MTUS2: variants seen among roughly 807,000 people sequenced by gnomAD.
The protein encoded by MTUS2 is microtubule associated scaffold protein 2.
MTUS2 carries 40 observed loss-of-function variants against 114.1 expected under a neutral mutation model. The observed-to-expected ratio is 0.35, with a 90% CI of 0.27 to 0.46. The LOEUF (loss-of-function observed/expected upper bound fraction) is 0.46. Ranked by LOEUF, MTUS2 falls within the 20% of genes least tolerant of loss-of-function variation. The pLI, the probability that MTUS2 is intolerant of heterozygous loss-of-function variation, is 1.00. For missense variants in MTUS2, 1,679 were observed against 1,705.4 expected (o/e 0.98, Z 0.27); for synonymous variants, 688 against 672.0 (o/e 1.02, Z -0.37).
chr13:29,175,633 T>C (rs1420183613), intron 5 of MTUS2, among the ~76,000 whole-genome samples: 8 of 152,210 alleles, frequency 5.3e-5, no homozygotes, highest in South Asian at 2.1e-4. Flanking sequence ...GCTGAACATA[T>C]TGATCTCACT....
At chr13:29,104,098 C>G (rs1480414960) in intron 5 of MTUS2, among the ~76,000 whole-genome samples, 10 of 152,154 alleles carry the variant, frequency 6.6e-5, no homozygotes, top group African/African-American at 2.4e-4. Flanking sequence ...CCGCATCCAC[C>G]CTGGGCTCAG....
intron 2 of MTUS2, among the ~76,000 whole-genome samples, chr13:28,983,394 C>T (rs900521600): frequency 6.6e-6 from 1 of 152,144 alleles, no homozygotes; most frequent in Admixed American, 6.5e-5. Flanking sequence ...TGTGGCTCAT[C>T]CAAGTTGAGG....
At chr13:29,069,874 G>T (rs963104563) in intron 4 of MTUS2, among the ~76,000 whole-genome samples, 3 of 152,164 alleles carry the variant, frequency 2.0e-5, no homozygotes, top group African/African-American at 7.2e-5. Context: ...ACCTTTGGTT[G>T]ATATAAAATC....
intron 5 of MTUS2, among the ~76,000 whole-genome samples, chr13:29,183,481 T>A (rs541757616): frequency 6.6e-6 from 1 of 152,128 alleles, no homozygotes; most frequent in African/African-American, 2.4e-5. Context: ...GTAACGAGTC[T>A]GGAGTTCAGA....
At chr13:29,425,043 G>C (rs1876405991) in intron 8 of MTUS2, among the ~76,000 whole-genome samples, 1 of 152,194 alleles carries the variant, frequency 6.6e-6, no homozygotes, top group Non-Finnish European at 1.5e-5. Context: ...TTGTGGTTAG[G>C]TAAGAAAATG....
At chr13:29,402,586 G>A (rs1211701457) in intron 8 of MTUS2, among the ~76,000 whole-genome samples, 1 of 152,288 alleles carries the variant, frequency 6.6e-6, no homozygotes, top group African/African-American at 2.4e-5. Flanking sequence ...AACACCTGTT[G>A]CTGGAGGAGG....
At chr13:29,329,244 C>T (rs1900660086) in intron 7 of MTUS2, among the ~76,000 whole-genome samples, 1 of 152,070 alleles carries the variant, frequency 6.6e-6, no homozygotes, top group Admixed American at 6.6e-5. Context: ...AACCCATTAC[C>T]TGCATTAGGT....
intron 5 of MTUS2, among the ~76,000 whole-genome samples, chr13:29,117,713 C>T (rs1891147594): frequency 6.6e-6 from 1 of 152,158 alleles, no homozygotes. Context: ...TTATTAGAAA[C>T]TCTGTGTGGC....
At chr13:29,082,890 AG>A (rs1889508814) in intron 4 of MTUS2, among the ~76,000 whole-genome samples, 1 of 152,114 alleles carries the variant, frequency 6.6e-6, no homozygotes, top group African/African-American at 2.4e-5. Context: ...GCATGAGAGG[AG>A]GTTACTAAAG....
intron 12 of MTUS2, among the ~76,000 whole-genome samples, chr13:29,495,714 T>C (rs1490147154): frequency 6.6e-6 from 1 of 151,536 alleles, no homozygotes; most frequent in Non-Finnish European, 1.5e-5. Context: ...CTACTAAAAA[T>C]ACAAACATTA....
At chr13:29,013,695 A>G (rs1363924366) in intron 2 of MTUS2, among the ~76,000 whole-genome samples, 1 of 152,170 alleles carries the variant, frequency 6.6e-6, no homozygotes, top group African/African-American at 2.4e-5. Context: ...CAAATCCTGT[A>G]CTCAGACCTT....
At chr13:29,175,553 T>C (rs1893738354) in intron 5 of MTUS2, among the ~76,000 whole-genome samples, 1 of 150,680 alleles carries the variant, frequency 6.6e-6, no homozygotes, top group Non-Finnish European at 1.5e-5. Flanking sequence ...TGCTTTGTGC[T>C]GACCATCAGT....
chr13:28,869,468 C>T (rs1467916610), intron 2 of MTUS2, among the ~76,000 whole-genome samples: 1 of 152,120 alleles, frequency 6.6e-6, no homozygotes, highest in African/African-American at 2.4e-5. Flanking sequence ...ATTCGTAAAG[C>T]TTTGTTAAAA....
In MTUS2 at chr13:29,503,930, G is replaced by C. The variant is rs906647366; in HGVS notation, c.*724G>C. ...ATTATTGATACTCCTGTCATGAGCGGATAAGGGAGAGCAGTGGGAAACCCT... is the reference window on the plus strand; with the variant it reads ...ATTATTGATACTCCTGTCATGAGCGCATAAGGGAGAGCAGTGGGAAACCCT... On this transcript the variant is annotated 3_prime_UTR_variant, in exon 16 of 16. Transcript: ENST00000612955. 4.3e-6 allele frequency: 1 copy of C among 231,558 alleles called. No individual in the cohort carries two copies. The allele number at this position is 231,558 out of a possible 1,614,324, so 14.3% of individuals were successfully genotyped here. A position where few individuals can be genotyped will look rare whatever the true frequency, so the allele number is the denominator to read the frequency against.
chr13:29,249,618 G>A (rs1897053747), intron 5 of MTUS2, among the ~76,000 whole-genome samples: 1 of 152,130 alleles, frequency 6.6e-6, no homozygotes, highest in African/African-American at 2.4e-5. Flanking sequence ...CTTTTGAGAA[G>A]TGTCTCATCA....
intron 5 of MTUS2, among the ~76,000 whole-genome samples, chr13:29,233,241 A>AG (rs1285380528): frequency 1.3e-5 from 2 of 151,472 alleles, no homozygotes; most frequent in African/African-American, 4.9e-5. Context: ...AAGAAAAAAA[A>AG]AAAAGTTTGG....
intron 5 of MTUS2, among the ~76,000 whole-genome samples, chr13:29,176,468 C>A (rs1214296622): frequency 6.6e-6 from 1 of 152,146 alleles, no homozygotes; most frequent in Non-Finnish European, 1.5e-5. Context: ...AGAGCCTGTC[C>A]AGGGTCTTAG....
intron 5 of MTUS2, among the ~76,000 whole-genome samples, chr13:29,249,118 G>T (rs1256478605): frequency 6.6e-6 from 1 of 152,118 alleles, no homozygotes; most frequent in African/African-American, 2.4e-5. Flanking sequence ...TTCCCAAGTA[G>T]CTGGGACTAC....
At chr13:28,898,449 C>T (rs1335426249) in intron 2 of MTUS2, among the ~76,000 whole-genome samples, 1 of 152,214 alleles carries the variant, frequency 6.6e-6, no homozygotes, top group Non-Finnish European at 1.5e-5. Context: ...GCTCTTTCCA[C>T]AGTGGTTTGT....
Sources: gnomAD v4.1 joint callset for allele counts (sites outside exome capture counted in the v4.1 genomes callset) on GRCh38, gnomAD v4.1.1 for gene constraint, MANE v1.5 for transcripts, NCBI Gene and HGNC (gene_info 2026-07-23, HGNC 2026-07-21) for gene names.